PAK1: variants seen among roughly 807,000 people sequenced by gnomAD.
PAK1 encodes p21 (RAC1) activated kinase 1.
Under a neutral mutation model 67.4 loss-of-function variants are expected in PAK1, and 29 were observed. The observed-to-expected ratio is 0.43, with a 90% CI of 0.32 to 0.59. The LOEUF (loss-of-function observed/expected upper bound fraction) is 0.59, where lower values mean the gene tolerates loss of function less well. PAK1 is among the 20% of genes least tolerant of loss of function. PAK1 has a pLI of 0.07. For synonymous variants in PAK1, 223 were observed against 237.4 expected, an observed-to-expected ratio of 0.94 and a Z score of 0.56; for missense variants, 337 against 670.7, an observed-to-expected ratio of 0.50 and a Z score of 5.50.
the PAK1 span, among the ~76,000 whole-genome samples, chr11:77,486,154 T>C: frequency 6.6e-6 from 1 of 152,234 alleles, no homozygotes; most frequent in Non-Finnish European, 1.5e-5. Flanking sequence ...AAAAGGTTCC[T>C]GTTCCTTGCA....
chr11:77,425,114 CAAGT>C (rs112914698), intron 1 of PAK1, among the ~76,000 whole-genome samples: 5 of 152,248 alleles, frequency 3.3e-5, no homozygotes, highest in African/African-American at 1.2e-4. Context: ...TGCAGGAGCA[CAAGT>C]GGCTTTTTTT....
At chr11:77,325,569 T>A (rs1444854760) in intron 14 of PAK1, among the ~76,000 whole-genome samples, 2 of 152,236 alleles carry the variant, frequency 1.3e-5, no homozygotes, top group African/African-American at 4.8e-5. Flanking sequence ...TCAAGAACTA[T>A]AATTTGGTAT....
intron 5 of PAK1, among the ~76,000 whole-genome samples, chr11:77,362,906 C>T (rs1946996469): frequency 6.6e-6 from 1 of 152,172 alleles, no homozygotes; most frequent in Admixed American, 6.5e-5. Context: ...GTACTATTAA[C>T]TGACTTAAAC....
intron 2 of PAK1, among the ~76,000 whole-genome samples, chr11:77,388,662 AT>A (rs780928052): frequency 9.2e-5 from 14 of 152,268 alleles, no homozygotes; most frequent in Non-Finnish European, 1.6e-4. Context: ...CAGTTATAGG[AT>A]TCTAAAGCTA....
chr11:77,496,929 A>G, the PAK1 span, among the ~76,000 whole-genome samples: 15 of 152,116 alleles, frequency 9.9e-5, no homozygotes, highest in Admixed American at 9.2e-4. Flanking sequence ...TATGTCTCCA[A>G]AAAAAATAAA....
chr11:77,426,075 C>T (rs930069038), intron 1 of PAK1, among the ~76,000 whole-genome samples: 5 of 143,824 alleles, frequency 3.5e-5, no homozygotes, highest in Admixed American at 2.8e-4. Context: ...CAATTGAAGG[C>T]CTCTTTTTTT....
chr11:77,430,400 T>G (rs984486092), intron 1 of PAK1, among the ~76,000 whole-genome samples: 4 of 152,192 alleles, frequency 2.6e-5, no homozygotes, highest in Non-Finnish European at 5.9e-5. Context: ...TGTTCCCATT[T>G]TGGCCCAGTC....
chr11:77,442,264 T>G (rs113278288), intron 1 of PAK1, among the ~76,000 whole-genome samples: 4,891 of 152,280 alleles, frequency 0.032, 132 homozygotes, highest in African/African-American at 0.074. Context: ...TTTGCATCCT[T>G]GTAGAGTCCT....
chr11:77,369,434 T>C lies in PAK1; in HGVS notation c.477+4894A>G, dbSNP rs532414982. The stretch of plus-strand genomic sequence containing the variant: ...CTTATATGCATTTGTTGTTTAAACC[T>C]TATACATTTCTTTTTTTTTTTTTTT... On this transcript the variant is annotated intron_variant, in intron 5 of 14. Transcript: ENST00000356341. Among the ~76,000 whole-genome samples, 91 of 146,778 alleles carry C rather than the reference T, an allele frequency of 6.2e-4. 1 individual carries two copies. Among genetic ancestry groups the C allele is most frequent in the African/African-American group, 2.2e-3 (88 of 40,116 alleles).
intron 1 of PAK1, among the ~76,000 whole-genome samples, chr11:77,407,953 T>C (rs1291995992): frequency 2.6e-5 from 4 of 152,146 alleles, no homozygotes; most frequent in African/African-American, 9.7e-5. Context: ...GCCCCAAAAG[T>C]AGGCAGAAAA....
At chr11:77,344,067 T>C in intron 9 of PAK1, 136 bp from the exon 10 acceptor site, 1 of 638,402 alleles carries the variant, frequency 1.6e-6, no homozygotes, top group Admixed American at 2.4e-5. Context: ...ATTCACAGTT[T>C]GTCTATGTAG....
chr11:77,429,056 TAAAAAAAAAAA>T lies in PAK1; in HGVS notation c.-21-36526_-21-36516del, dbSNP rs566874549. ...TTGGATTCTAAATGCCATTTAATAC[TAAAAAAAAAAA>T]AAAAAAAAAAAAAAAAAAAAAAAAA... On this transcript the variant is annotated intron_variant, in intron 1 of 14. Coordinates refer to ENST00000356341, the MANE Select transcript of PAK1 (RefSeq NM_002576.5). 5.8e-3 allele frequency among the ~76,000 whole-genome samples: 282 copies of T among 48,932 alleles called. 3 individuals are homozygous for T. The highest frequency in any genetic ancestry group is 0.022 in the African/African-American group (169 of 7,714). The allele number at this position is 48,932 out of a possible 152,430, so 32.1% of individuals were successfully genotyped here.
the PAK1 span, among the ~76,000 whole-genome samples, chr11:77,492,454 C>A: frequency 6.6e-6 from 1 of 150,538 alleles, no homozygotes; most frequent in Admixed American, 6.6e-5. Flanking sequence ...TAATTAAATG[C>A]AATAGGAACC....
chr11:77,390,780 G>A (rs1489766384), intron 2 of PAK1, among the ~76,000 whole-genome samples: 2 of 149,300 alleles, frequency 1.3e-5, no homozygotes, highest in African/African-American at 5.0e-5. Context: ...GGGATTACAG[G>A]CATGAGCCCC....
At chr11:77,423,854 C>A (rs986080650) in intron 1 of PAK1, among the ~76,000 whole-genome samples, 4 of 152,128 alleles carry the variant, frequency 2.6e-5, no homozygotes, top group Non-Finnish European at 5.9e-5. Flanking sequence ...GGCAATGGGG[C>A]CAGATTTGCC....
chr11:77,485,236 T>A, the PAK1 span, among the ~76,000 whole-genome samples: 1 of 152,132 alleles, frequency 6.6e-6, no homozygotes, highest in African/African-American at 2.4e-5. Context: ...TTGAAATGAA[T>A]AAGCTCTAGT....
intron 1 of PAK1, among the ~76,000 whole-genome samples, chr11:77,417,987 C>T (rs910493931): frequency 2.6e-5 from 4 of 152,198 alleles, no homozygotes; most frequent in South Asian, 2.1e-4. Flanking sequence ...CTACCTGCCT[C>T]GGCCTCCCAA....
chr11:77,405,672 CAG>C (rs747154379), intron 1 of PAK1, among the ~76,000 whole-genome samples: 1,789 of 94,112 alleles, frequency 0.019, 18 homozygotes, highest in East Asian at 0.083. Context: ...GACAGACAGA[CAG>C]ACACACACAC....
intron 1 of PAK1, among the ~76,000 whole-genome samples, chr11:77,413,024 T>C (rs570495536): frequency 6.6e-6 from 1 of 152,158 alleles, no homozygotes; most frequent in Non-Finnish European, 1.5e-5. Context: ...TTCACACATT[T>C]GCAAATGCTC....
Sources: allele counts gnomAD v4.1 joint callset (sites outside exome capture counted in the v4.1 genomes callset), GRCh38; gene constraint gnomAD v4.1.1; transcripts MANE v1.5; gene names NCBI Gene and HGNC (gene_info 2026-07-23, HGNC 2026-07-21).